STK32C: variants seen among roughly 807,000 people sequenced by gnomAD.
STK32C encodes serine/threonine kinase 32C, also known as serine/threonine-protein kinase 32C.
Under a neutral mutation model 56.5 loss-of-function variants are expected in STK32C, and 31 were observed. The observed-to-expected ratio is 0.55, with a 90% CI of 0.41 to 0.74. STK32C has a LOEUF of 0.74. STK32C is among the 30% of genes least tolerant of loss of function. The pLI, the probability that STK32C is intolerant of heterozygous loss-of-function variation, is 0.00. For synonymous variants in STK32C, 309 were observed against 289.4 expected (o/e 1.07, Z -0.69); for missense variants, 544 against 676.9 (o/e 0.80, Z 2.18).
chr10:132,259,244 T>C (rs118032289), intron 1 of STK32C, among the ~76,000 whole-genome samples: 275 of 152,358 alleles, frequency 1.8e-3, no homozygotes, highest in Non-Finnish European at 2.9e-3. Context: ...CAGGGTAAGA[T>C]GTAACTTCCT....
chr10:132,291,169 G>T (rs2065551831), intron 1 of STK32C, among the ~76,000 whole-genome samples: 1 of 152,240 alleles, frequency 6.6e-6, no homozygotes, highest in South Asian at 2.1e-4. Context: ...CTTCCAATTA[G>T]CTCGGCGGTG....
At chr10:132,221,989 C>T (rs1324844017) in intron 10 of STK32C, among the ~76,000 whole-genome samples, 1 of 150,628 alleles carries the variant, frequency 6.6e-6, no homozygotes, top group African/African-American at 2.5e-5. Flanking sequence ...CATGGCTGTC[C>T]CTGCACACAC....
intron 2 of STK32C, among the ~76,000 whole-genome samples, chr10:132,243,297 G>A (rs1319734883): frequency 1.3e-5 from 2 of 152,218 alleles, no homozygotes; most frequent in Non-Finnish European, 2.9e-5. Flanking sequence ...GGGAGGTGGC[G>A]AGCCTCTCAG....
chr10:132,222,202 TGTGAGGG>T (rs2062699380), intron 10 of STK32C, among the ~76,000 whole-genome samples: 1 of 116,276 alleles, frequency 8.6e-6, no homozygotes, highest in South Asian at 3.4e-4. Flanking sequence ...CCTGGGCGAG[TGTGAGGG>T]CTTCACATGG....
intron 10 of STK32C, among the ~76,000 whole-genome samples, chr10:132,214,435 A>C (rs7922566): frequency 0.041 from 6,289 of 152,300 alleles, 495 homozygotes; most frequent in East Asian, 0.35. Context: ...TTTAAAGGTG[A>C]AAGTAAAGAC....
chr10:132,217,059 G>A (rs772271220), intron 10 of STK32C, among the ~76,000 whole-genome samples: 28 of 152,054 alleles, frequency 1.8e-4, no homozygotes, highest in Non-Finnish European at 3.4e-4. Flanking sequence ...ACCCCAGAAT[G>A]GTATATCCAC....
intron 2 of STK32C, among the ~76,000 whole-genome samples, chr10:132,243,710 C>T (rs944077490): frequency 9.9e-5 from 15 of 152,192 alleles, no homozygotes; most frequent in African/African-American, 2.2e-4. Context: ...AATCCATTTC[C>T]GAGAGCGGCG....
downstream of STK32C, among the ~76,000 whole-genome samples, chr10:132,322,725 C>A (rs2066432799): frequency 6.6e-6 from 1 of 152,196 alleles, no homozygotes; most frequent in South Asian, 2.1e-4. Flanking sequence ...GGAGGAGGCA[C>A]CCTGATCTGG....
intron 1 of STK32C, among the ~76,000 whole-genome samples, chr10:132,316,143 C>T (rs2066305131): frequency 6.6e-6 from 1 of 152,044 alleles, no homozygotes. Flanking sequence ...TCTGAAACAT[C>T]TTGTTGCATG....
rs1317672380 is a variant in STK32C, at chr10:132,225,814, T to C, written c.645-30A>G. On this transcript the variant is annotated intron_variant, in intron 4 of 11. Coordinates refer to ENST00000298630, the MANE Select transcript of STK32C (RefSeq NM_173575.4). Reference sequence around the variant, plus strand: ...AAAGAGCAGAAAGTGGGAAGGTGAGTTGGGAATCTGCCCTGTTTCTGCCCT... The same window carrying C: ...AAAGAGCAGAAAGTGGGAAGGTGAGCTGGGAATCTGCCCTGTTTCTGCCCT... The C allele has an allele frequency of 3.1e-6, 5 of 1,613,204 alleles. No individual in the cohort carries two copies. The Admixed American group carries it at 6.7e-5, about 22-fold the overall frequency.
At chr10:132,316,752 G>C (rs932334178) in intron 1 of STK32C, among the ~76,000 whole-genome samples, 1 of 152,162 alleles carries the variant, frequency 6.6e-6, no homozygotes, top group South Asian at 2.1e-4. Context: ...TATCATTCTA[G>C]AATCTAAAGA....
intron 1 of STK32C, among the ~76,000 whole-genome samples, chr10:132,267,481 C>T (rs1393021432): frequency 1.6e-5 from 2 of 122,206 alleles, no homozygotes; most frequent in Non-Finnish European, 3.3e-5. Flanking sequence ...AGCTCTATGC[C>T]TGTCTGTGTG....
chr10:132,289,975 G>A lies in STK32C; in HGVS notation c.262+17597C>T, dbSNP rs145587368. ...CTAATATCAAAACTTATCACATCACGTTTGGAAATGCCCATTATTTGCCAA... is the reference window on the plus strand; with the variant it reads ...CTAATATCAAAACTTATCACATCACATTTGGAAATGCCCATTATTTGCCAA... On this transcript the variant is annotated intron_variant, in intron 1 of 11. Coordinates refer to ENST00000298630, the MANE Select transcript of STK32C (RefSeq NM_173575.4). Among the ~76,000 whole-genome samples, 64 of 152,256 alleles carry A rather than the reference G, an allele frequency of 4.2e-4. No homozygotes were observed. The South Asian group carries it at 9.1e-3, about 22-fold the overall frequency.
chr10:132,222,616 G>A (rs565893764), intron 10 of STK32C, 25 bp downstream of exon 10: 21 of 1,609,410 alleles, frequency 1.3e-5, no homozygotes, highest in African/African-American at 1.2e-4. Flanking sequence ...CCGCCGCCGC[G>A]CCCTGAGCCT....
At chr10:132,270,109 G>T (rs2064767856) in intron 1 of STK32C, among the ~76,000 whole-genome samples, 1 of 152,260 alleles carries the variant, frequency 6.6e-6, no homozygotes, top group African/African-American at 2.4e-5. Context: ...ACCAAGGGCA[G>T]CACCCACGTG....
At position 132,225,428 on chromosome 10, in the gene STK32C, AC is replaced by A. The variant is rs925064648; in HGVS notation, c.773-93del. 5 of 1,589,108 alleles carry A rather than the reference AC, an allele frequency of 3.1e-6. No individual in the cohort carries two copies. The African/African-American group carries it at 6.7e-5, about 21-fold the overall frequency. On this transcript the variant is annotated intron_variant, in intron 6 of 11. Coordinates refer to ENST00000298630, the MANE Select transcript of STK32C (RefSeq NM_173575.4). ...CGGCACCTTGAGGCCACATCCCGAG[AC>A]CAGGCTGCCTCCAGGGTGGGACAGA...
rs188608184 is a variant in STK32C, at chr10:132,208,043, G to A, written c.1428C>T (p.Cys476=). ...TCCCGGCCGAGGGGCAAATGGGGCC[G>A]CACATGGGCAGGGCGGAGCGTTCCG... is the stretch of plus-strand genomic sequence containing the variant. ...DEAERSALPM[C]GPICPSAGSG Residue 476 remains cysteine (C), a synonymous_variant, in exon 12 of 12, where the codon TGC becomes TGT. Transcript: ENST00000298630. 163 of 1,310,308 alleles carry A rather than the reference G, an allele frequency of 1.2e-4. No individual in the cohort carries two copies. Among genetic ancestry groups the A allele is most frequent in the Admixed American group, 4.7e-4 (15 of 32,238 alleles). The allele number at this position is 1,310,308 out of a possible 1,614,324, so 81.2% of individuals were successfully genotyped here.
At chr10:132,261,747 G>A (rs116046182) in intron 1 of STK32C, among the ~76,000 whole-genome samples, 2,475 of 152,114 alleles carry the variant, frequency 0.016, 74 homozygotes, top group African/African-American at 0.055. Flanking sequence ...CCTGGGCAAC[G>A]GAGAGACAGT....
At chr10:132,298,395 C>A (rs932029886) in intron 1 of STK32C, among the ~76,000 whole-genome samples, 1 of 152,254 alleles carries the variant, frequency 6.6e-6, no homozygotes, top group African/African-American at 2.4e-5. Flanking sequence ...CCCAGTGGGG[C>A]GAAGAAGCCG....
Sources: gnomAD v4.1 joint callset for allele counts (sites outside exome capture counted in the v4.1 genomes callset) on GRCh38, gnomAD v4.1.1 for gene constraint, MANE v1.5 for transcripts, NCBI Gene and HGNC (gene_info 2026-07-23, HGNC 2026-07-21) for gene names.